ADGRD1: variants seen among roughly 807,000 people sequenced by gnomAD.
ADGRD1 encodes adhesion G protein-coupled receptor D1, also known as G-protein coupled receptor 133.
A neutral mutation model predicts 113.4 loss-of-function variants in ADGRD1; 77 were observed. That is an observed-to-expected ratio of 0.68 (90% confidence interval 0.57 to 0.82). The LOEUF is 0.82. ADGRD1 is among the 40% of genes least tolerant of loss of function. ADGRD1 has a pLI of 0.00. For synonymous variants in ADGRD1, 474 were observed against 475.0 expected (o/e 1.00, Z 0.03); for missense variants, 1,036 against 1,139.1 (o/e 0.91, Z 1.30).
intron 8 of ADGRD1, among the ~76,000 whole-genome samples, chr12:130,996,342 A>C (rs1247600147): frequency 7.5e-6 from 1 of 132,602 alleles, no homozygotes; most frequent in Non-Finnish European, 1.7e-5. Context: ...CTCACTTCCC[A>C]GTAGGGGCGG....
At position 130,954,221 on chromosome 12, in the gene ADGRD1, A is replaced by C; in HGVS notation, c.-245A>C. 2.4e-6 allele frequency: 1 copy of C among 416,732 alleles called. No homozygotes were observed. Among genetic ancestry groups the C allele is most frequent in the Admixed American group, 4.2e-5 (1 of 23,682 alleles). The allele number at this position is 416,732 out of a possible 1,614,324, so 25.8% of individuals were successfully genotyped here. ...TTTGGGTTTCTCCTCCCTGCATTCCACAGCTGCTCTGGTCATCGCAACGTG... is the reference window on the plus strand; with the variant it reads ...TTTGGGTTTCTCCTCCCTGCATTCCCCAGCTGCTCTGGTCATCGCAACGTG... On this transcript the variant is annotated 5_prime_UTR_variant, in exon 1 of 25. Transcript: ENST00000261654. This position sits in a 1 kb window ranked among gnomAD's most constrained non-coding sequence, Gnocchi z 4.7.
intron 4 of ADGRD1, chr12:130,973,191 C>T (rs995798462): frequency 6.6e-6 from 1 of 152,218 alleles, no homozygotes; most frequent in Admixed American, 6.5e-5. Flanking sequence ...GACTTCTCGA[C>T]TCTTCAATAA....
chr12:131,013,766 TCAGA>T (rs777975697), intron 12 of ADGRD1, among the ~76,000 whole-genome samples: 2 of 152,174 alleles, frequency 1.3e-5, no homozygotes, highest in African/African-American at 4.8e-5. Context: ...AAATTGACAC[TCAGA>T]CAGGGTGAGT....
At chr12:130,969,279 G>T in intron 3 of ADGRD1, 1 of 530,572 alleles carries the variant, frequency 1.9e-6, no homozygotes, top group South Asian at 2.2e-5. Flanking sequence ...TTAGAACAGG[G>T]GTCCCCAGTC....
intron 13 of ADGRD1, among the ~76,000 whole-genome samples, chr12:131,053,187 C>CT (rs1883552867): frequency 6.6e-6 from 1 of 152,224 alleles, no homozygotes; most frequent in Non-Finnish European, 1.5e-5. Context: ...AGCTCTTTCT[C>CT]TGACAGTGCC....
Position 131,003,103 on chromosome 12 carries a change from T to G in ADGRD1, c.1027-82T>G. 1.6e-5 allele frequency: 18 copies of G among 1,098,948 alleles called. No individual in the cohort carries two copies. The highest frequency in any genetic ancestry group is 3.1e-5 in the African/African-American group (2 of 64,990). The allele number at this position is 1,098,948 out of a possible 1,614,324, so 68.1% of individuals were successfully genotyped here. A position where few individuals can be genotyped will look rare whatever the true frequency, so the allele number is the denominator to read the frequency against. On this transcript the variant is annotated intron_variant, in intron 9 of 24. Transcript: ENST00000261654. This position sits in a 1 kb window ranked among gnomAD's most constrained non-coding sequence, Gnocchi z 4.8. The stretch of plus-strand genomic sequence containing the variant: ...TCGTGGCCAACGTGGGGAAACTTGA[T>G]TTTGTGTGCCTGGTGCACCTGCCTG...
intron 15 of ADGRD1, among the ~76,000 whole-genome samples, chr12:131,085,013 C>A (rs1007750043): frequency 6.6e-6 from 1 of 152,202 alleles, no homozygotes; most frequent in South Asian, 2.1e-4. Flanking sequence ...GGGAGCCGGG[C>A]GCTGGGGGCT....
At position 131,113,394 on chromosome 12, in the gene ADGRD1, G is replaced by A. The variant is rs1224741620; in HGVS notation, c.2041+4517G>A. On this transcript the variant is annotated intron_variant, in intron 18 of 24. Transcript: ENST00000261654. This position sits in a 1 kb window ranked among gnomAD's most constrained non-coding sequence, Gnocchi z 4.9. ...GCTTTGCCCTTGCCCATCCCAAGGGGTCCCAGTGAGCACTGGAGGCTCTAG... is the reference window on the plus strand; with the variant it reads ...GCTTTGCCCTTGCCCATCCCAAGGGATCCCAGTGAGCACTGGAGGCTCTAG... 6.6e-6 allele frequency among the ~76,000 whole-genome samples: 1 copy of A among 152,104 alleles called. No individual in the cohort carries two copies. Among genetic ancestry groups the A allele is most frequent in the African/African-American group, 2.4e-5 (1 of 41,414 alleles).
At position 131,105,717 on chromosome 12, in the gene ADGRD1, G is replaced by A. The variant is rs571537923; in HGVS notation, c.1776-37G>A. 427 of 1,530,500 alleles carry A rather than the reference G, an allele frequency of 2.8e-4. 3 individuals carry two copies. In the South Asian group the frequency reaches 4.4e-3, roughly 16 times the overall value. The allele number at this position is 1,530,500 out of a possible 1,614,324, so 94.8% of individuals were successfully genotyped here. On this transcript the variant is annotated intron_variant, in intron 16 of 24. Transcript: ENST00000261654. Reference sequence around the variant, plus strand: ...GCCCAGCCTGGGGGACTGGGTCGGCGCAGGGCCCAGGCCTCACACCCTGCC... The same window carrying A: ...GCCCAGCCTGGGGGACTGGGTCGGCACAGGGCCCAGGCCTCACACCCTGCC...
At chr12:131,078,346 C>T (rs1343658550) in intron 14 of ADGRD1, among the ~76,000 whole-genome samples, 4 of 152,214 alleles carry the variant, frequency 2.6e-5, no homozygotes, top group Admixed American at 2.0e-4. Context: ...TGGCTATGGC[C>T]GTCGGCGTCT....
At chr12:131,093,460 C>T (rs1201976160) in intron 15 of ADGRD1, among the ~76,000 whole-genome samples, 3 of 152,210 alleles carry the variant, frequency 2.0e-5, no homozygotes, top group Non-Finnish European at 4.4e-5. Context: ...CCCGCGGTTA[C>T]CCAGCCAGGT....
At chr12:131,131,886 G>A (rs943136148) in intron 21 of ADGRD1, 70 bp downstream of exon 21, 6 of 1,000,042 alleles carry the variant, frequency 6.0e-6, no homozygotes, top group Non-Finnish European at 9.6e-6. Context: ...GAGGTCACAG[G>A]AGAGATAGCC....
In ADGRD1 at chr12:130,971,441, T is replaced by C. The variant is rs760855956; in HGVS notation, c.188-17T>C. The C allele has an allele frequency of 6.2e-7, 1 of 1,610,926 alleles. No individual in the cohort carries two copies. The highest frequency in any genetic ancestry group is 1.1e-5 in the South Asian group (1 of 90,758). On this transcript the variant is annotated splice_polypyrimidine_tract_variant and intron_variant, in intron 3 of 24. Transcript: ENST00000261654. This position sits in a 1 kb window ranked among gnomAD's most constrained non-coding sequence, Gnocchi z 4.2. ...GGAAGGTTATTAACATATGATGTTGTCATTTTTCTTCCTTAGATATTGTGG... is the reference window on the plus strand; with the variant it reads ...GGAAGGTTATTAACATATGATGTTGCCATTTTTCTTCCTTAGATATTGTGG...
chr12:131,049,166 G>A (rs1489195850), intron 13 of ADGRD1, among the ~76,000 whole-genome samples: 4 of 152,258 alleles, frequency 2.6e-5, no homozygotes, highest in Non-Finnish European at 5.9e-5. Context: ...CTGTGACCGA[G>A]TCCCTGGGGT....
chr12:131,055,450 G>A (rs2137061689), intron 13 of ADGRD1, among the ~76,000 whole-genome samples: 1 of 152,268 alleles, frequency 6.6e-6, no homozygotes, highest in African/African-American at 2.4e-5. Context: ...TTGAAGTGAC[G>A]GTCACATCTC....
intron 13 of ADGRD1, among the ~76,000 whole-genome samples, chr12:131,037,875 TACTC>T (rs1206580061): frequency 5.9e-5 from 8 of 134,686 alleles, no homozygotes; most frequent in Admixed American, 1.5e-4. Context: ...ACCAGGATCT[TACTC>T]ACCGCACTGA....
intron 4 of ADGRD1, among the ~76,000 whole-genome samples, chr12:130,972,115 G>A (rs1285718372): frequency 1.3e-5 from 2 of 152,192 alleles, no homozygotes; most frequent in South Asian, 4.2e-4. Flanking sequence ...GAGCAGAGAT[G>A]CAAAAGAAAA....
chr12:131,008,702 T>A (rs547474655), intron 12 of ADGRD1, among the ~76,000 whole-genome samples: 2 of 152,340 alleles, frequency 1.3e-5, no homozygotes, highest in South Asian at 4.1e-4. Context: ...ATGGAGACTG[T>A]TCAGCTTTTA....
chr12:131,092,898 A>T (rs1423532087), intron 15 of ADGRD1, among the ~76,000 whole-genome samples: 42 of 133,960 alleles, frequency 3.1e-4, no homozygotes, highest in South Asian at 4.7e-4. Context: ...TTTTTTTTTT[A>T]AATAAAACAA....
Sources: allele counts gnomAD v4.1 joint callset (sites outside exome capture counted in the v4.1 genomes callset), GRCh38; gene constraint gnomAD v4.1.1; non-coding constraint Gnocchi (gnomAD v3.1); transcripts MANE v1.5; gene names NCBI Gene and HGNC (gene_info 2026-07-23, HGNC 2026-07-21).